Variants in PI16 observed in about 807,000 individuals in gnomAD.
PI16 encodes the protein peptidase inhibitor 16, also known as PSP94-binding protein.
A neutral mutation model predicts 38.0 loss-of-function variants in PI16; 35 were observed. The observed-to-expected ratio is 0.92, with a 90% CI of 0.70 to 1.22. The LOEUF is 1.22. PI16 is among the 50% of genes most tolerant of loss of function. The pLI, the probability that PI16 is intolerant of heterozygous loss-of-function variation, is 0.00. For missense variants in PI16, 572 were observed against 593.8 expected, an observed-to-expected ratio of 0.96 and a Z score of 0.38; for synonymous variants, 275 against 252.9, an observed-to-expected ratio of 1.09 and a Z score of -0.83.
At chr6:36,961,197 G>A (rs139913260) in intron 2 of PI16, among the ~76,000 whole-genome samples, 244 of 152,336 alleles carry the variant, frequency 1.6e-3, no homozygotes, top group African/African-American at 5.2e-3. Flanking sequence ...CTGAGGGAAG[G>A]TTTTGAGAGG....
At chr6:36,949,092 T>C (rs1309769591) in intron 1 of PI16, among the ~76,000 whole-genome samples, 6 of 151,768 alleles carry the variant, frequency 4.0e-5, no homozygotes, top group Admixed American at 3.3e-4. Context: ...AGCCTTATTT[T>C]CTTTTTCTCT....
intron 1 of PI16, 112 bp downstream of exon 1, chr6:36,955,043 C>T: frequency 2.1e-6 from 3 of 1,432,764 alleles, no homozygotes; most frequent in Non-Finnish European, 2.7e-6. Flanking sequence ...GAATTCCTCT[C>T]CTTTTTCTGG....
intron 2 of PI16, among the ~76,000 whole-genome samples, chr6:36,960,566 G>A (rs540774289): frequency 2.0e-4 from 31 of 152,026 alleles, no homozygotes; most frequent in African/African-American, 6.3e-4. Flanking sequence ...CACCCACCCA[G>A]GTCAGAAAGT....
rs1561898639 is a variant in PI16, at chr6:36,963,251, G to C, written c.909G>C (p.Glu303Asp). 1 of 1,614,236 alleles carries C rather than the reference G, an allele frequency of 6.2e-7. No individual in the cohort carries two copies. Among genetic ancestry groups the C allele is most frequent in the East Asian group, 2.2e-5 (1 of 44,894 alleles). Residue 303 changes from glutamate (E) to aspartate (D), a missense_variant, in exon 5 of 7, where the codon GAG becomes GAC. Glu to Asp is a conservative substitution (Grantham distance 45). Coordinates refer to ENST00000373674, the MANE Select transcript of PI16 (RefSeq NM_153370.3). Reference protein sequence around the residue: ...AAHSLPSLDEEPVTFPKSTHV... With the variant: ...AAHSLPSLDEDPVTFPKSTHV... ...ACAGCCTGCCCTCCTTGGATGAGGA[G>C]CCAGTTACCTTCCCCAAATCGACCC...
chr6:36,953,632 C>A (rs1235636688), upstream of PI16, among the ~76,000 whole-genome samples: 1 of 152,054 alleles, frequency 6.6e-6, no homozygotes, highest in African/African-American at 2.4e-5. Flanking sequence ...TGTGGGTAGA[C>A]TTTTTCTAGG....
At chr6:36,957,756 A>G (rs1583232221) in intron 1 of PI16, among the ~76,000 whole-genome samples, 2 of 152,336 alleles carry the variant, frequency 1.3e-5, no homozygotes, top group South Asian at 4.1e-4. Context: ...CTGCTTTAAG[A>G]AGGGCCCTGT....
At chr6:36,961,597 G>C in intron 3 of PI16, 37 bp downstream of exon 3, 3 of 1,587,708 alleles carry the variant, frequency 1.9e-6, no homozygotes, top group Non-Finnish European at 2.6e-6. Flanking sequence ...TGGAGAGGGG[G>C]AAGGCACAGG....
chr6:36,961,838 TG>T, intron 3 of PI16, 47 bp from the exon 4 acceptor site: 1 of 1,436,992 alleles, frequency 7.0e-7, no homozygotes, highest in South Asian at 1.1e-5. Context: ...GGGAGAGGGT[TG>T]GGAGGGGTCG....
Position 36,963,074 on chromosome 6 carries a change from G to C in PI16, c.732G>C (p.Leu244Phe), listed in dbSNP as rs867204264. ...TAGCAACGGGGATTCCGGCTTTCTT[G>C]GTAACAGAGGTCTCAGGCTCCCTGG... ...SSLATGIPAF[L>F]VTEVSGSLAT... The change falls in exon 5 of 7, where the codon TTG (leucine) becomes TTC (phenylalanine). Residue 244 changes from leucine to phenylalanine, a missense_variant. Physicochemically the swap from Leu to Phe is conservative, Grantham distance 22. Coordinates refer to ENST00000373674, the MANE Select transcript of PI16 (RefSeq NM_153370.3). The C allele has an allele frequency of 1.2e-6, 2 of 1,614,224 alleles. No homozygotes were observed. Among genetic ancestry groups the C allele is most frequent in the Middle Eastern group, 3.3e-4 (2 of 6,062 alleles).
At chr6:36,960,830 C>T (rs866395478) in intron 2 of PI16, among the ~76,000 whole-genome samples, 10 of 152,204 alleles carry the variant, frequency 6.6e-5, no homozygotes, top group Middle Eastern at 6.8e-3. Flanking sequence ...GCAGAGATTC[C>T]TGGGCAGATT....
At chr6:36,951,890 C>G (rs557835818), upstream of PI16, among the ~76,000 whole-genome samples, 1 of 152,156 alleles carries the variant, frequency 6.6e-6, no homozygotes, top group East Asian at 1.9e-4. Context: ...CAGAGCGAGA[C>G]CCTGTCTCAA....
At chr6:36,961,721 C>T (rs1763370949) in intron 3 of PI16, among the ~76,000 whole-genome samples, 161 bp downstream of exon 3, 1 of 152,162 alleles carries the variant, frequency 6.6e-6, no homozygotes, top group African/African-American at 2.4e-5. Flanking sequence ...GGTCTGCTGT[C>T]ATCTGCCAGA....
At chr6:36,960,161 T>C (rs1763320590) in intron 2 of PI16, among the ~76,000 whole-genome samples, 1 of 152,204 alleles carries the variant, frequency 6.6e-6, no homozygotes, top group African/African-American at 2.4e-5. Context: ...CAATTTTGCT[T>C]AGTTTTTCTT....
chr6:36,953,787 C>T (rs1418437108), upstream of PI16, among the ~76,000 whole-genome samples: 3 of 152,186 alleles, frequency 2.0e-5, no homozygotes, highest in African/African-American at 7.2e-5. Flanking sequence ...AGGCTATTTC[C>T]CTTCCAATAC....
rs1490680373 is a variant in PI16, at chr6:36,963,157, A to T, written c.815A>T (p.Asp272Val). 1 of 1,613,906 alleles carries T rather than the reference A, an allele frequency of 6.2e-7. No homozygotes were observed. Among genetic ancestry groups the T allele is most frequent in the Non-Finnish European group, 8.5e-7 (1 of 1,180,000 alleles). ...TQAPTSLATK[D>V]PPSMATEAPP... ...GCCCCAACTTCCTTAGCAACGAAAGACCCGCCCTCCATGGCAACAGAGGCT... is the reference window on the plus strand; with the variant it reads ...GCCCCAACTTCCTTAGCAACGAAAGTCCCGCCCTCCATGGCAACAGAGGCT... The change falls in exon 5 of 7, where the codon GAC becomes GTC. Residue 272 changes from aspartate (D) to valine (V), a missense_variant. Coordinates refer to ENST00000373674, the MANE Select transcript of PI16 (RefSeq NM_153370.3).
In PI16 at chr6:36,954,886, C is replaced by T. The variant is rs1359220753; in HGVS notation, c.126C>T (p.Leu42=). 6.2e-7 allele frequency: 1 copy of T among 1,613,936 alleles called. No homozygotes were observed. The highest frequency in any genetic ancestry group is 8.5e-7 in the Non-Finnish European group (1 of 1,180,040). ...GTTTGATGGTGGAGCTGCACAACCT[C>T]TACCGGGCCCAGGTATCCCCGACGG... ...EKRLMVELHN[L]YRAQVSPTAS... Residue 42 remains leucine (L), a synonymous_variant, in exon 1 of 7, where the codon CTC becomes CTT. Transcript: ENST00000373674.
At chr6:36,949,141 T>G (rs530801518) in intron 1 of PI16, among the ~76,000 whole-genome samples, 1 of 149,612 alleles carries the variant, frequency 6.7e-6, no homozygotes, top group South Asian at 2.1e-4. Context: ...CTCTCTTTCT[T>G]TCTTCTCACT....
intron 2 of PI16, among the ~76,000 whole-genome samples, chr6:36,960,648 C>G (rs1408955764): frequency 6.9e-6 from 1 of 145,018 alleles, no homozygotes; most frequent in Admixed American, 6.9e-5. Flanking sequence ...CTCCACCCCC[C>G]CCCTCCCTCT....
At chr6:36,957,074 G>A (rs1293538181) in intron 1 of PI16, among the ~76,000 whole-genome samples, 1 of 152,128 alleles carries the variant, frequency 6.6e-6, no homozygotes, top group Non-Finnish European at 1.5e-5. Context: ...TCTGCTGTCA[G>A]AATGAATAAT....
Sources: allele counts gnomAD v4.1 joint callset (sites outside exome capture counted in the v4.1 genomes callset), GRCh38; gene constraint gnomAD v4.1.1; transcripts MANE v1.5; gene names NCBI Gene and HGNC (gene_info 2026-07-23, HGNC 2026-07-21).